SLC75A1: variants seen among roughly 807,000 people sequenced by gnomAD.
SLC75A1 encodes major facilitator superfamily domain containing 10.
the SLC75A1 span, chr4:2,932,888 G>T: frequency 8.1e-7 from 1 of 1,239,370 alleles, no homozygotes; most frequent in Non-Finnish European, 1.1e-6. Context: ...GGCCACTTGC[G>T]TTCTCAGTGC....
At chr4:2,934,469 C>T in the SLC75A1 span, 1 of 140,306 alleles carries the variant, frequency 7.1e-6, no homozygotes, top group East Asian at 2.2e-4. Flanking sequence ...CGGTCCCGCC[C>T]CCACCCCGCG....
At chr4:2,933,307 G>A in the SLC75A1 span, 7 of 1,216,044 alleles carry the variant, frequency 5.8e-6, no homozygotes, top group Non-Finnish European at 8.2e-6. Context: ...TGAGGGTCCA[G>A]TCATGCTGGG....
the SLC75A1 span, chr4:2,930,596 C>T: frequency 1.7e-6 from 1 of 573,550 alleles, no homozygotes; most frequent in African/African-American, 1.9e-5. Context: ...ATTTCATCAT[C>T]AGAAACCTGG....
At chr4:2,933,973 C>T in the SLC75A1 span, 2 of 1,522,594 alleles carry the variant, frequency 1.3e-6, no homozygotes, top group Non-Finnish European at 1.8e-6. Context: ...GTCGGGTTAG[C>T]GGGGAAGCCG....
the SLC75A1 span, chr4:2,933,952 G>A: frequency 1.3e-6 from 2 of 1,541,410 alleles, no homozygotes; most frequent in East Asian, 4.9e-5. Flanking sequence ...GGCCTGGGTG[G>A]GGTGCGGCGG....
At chr4:2,931,350 C>A in the SLC75A1 span, 1 of 1,544,278 alleles carries the variant, frequency 6.5e-7, no homozygotes, top group Non-Finnish European at 8.7e-7. Flanking sequence ...CCCATCGGAT[C>A]CCCTGCCAGG....
At chr4:2,932,928 A>T in the SLC75A1 span, 1 of 1,067,120 alleles carries the variant, frequency 9.4e-7, no homozygotes, top group Non-Finnish European at 1.3e-6. Context: ...AGCTCCTTGA[A>T]AGCCTGGCTC....
chr4:2,931,940 G>C, the SLC75A1 span: 1 of 1,606,268 alleles, frequency 6.2e-7, no homozygotes, highest in Non-Finnish European at 8.5e-7. Flanking sequence ...CTGAGCCCTG[G>C]GGAGAGGTGG....
chr4:2,931,935 C>T, the SLC75A1 span: 2 of 1,607,112 alleles, frequency 1.2e-6, no homozygotes, highest in Non-Finnish European at 8.5e-7. Context: ...GGCTGCTGAG[C>T]CCTGGGGAGA....
chr4:2,931,663 G>C, the SLC75A1 span: 1 of 1,611,966 alleles, frequency 6.2e-7, no homozygotes, highest in South Asian at 1.1e-5. Flanking sequence ...CCTGCTGTAG[G>C]CTGGGAGCGG....
At chr4:2,932,316 C>G in the SLC75A1 span, 1 of 1,597,890 alleles carries the variant, frequency 6.3e-7, no homozygotes, top group East Asian at 2.3e-5. Flanking sequence ...AAGCCTCCAG[C>G]CCCTAGGCCT....
At chr4:2,932,004 G>C in the SLC75A1 span, 2 of 1,605,878 alleles carry the variant, frequency 1.2e-6, no homozygotes, top group Non-Finnish European at 1.7e-6. Context: ...GGGAAGCCCA[G>C]GGGAGAGCAG....
the SLC75A1 span, chr4:2,933,586 G>A: frequency 6.2e-7 from 1 of 1,613,818 alleles, no homozygotes; most frequent in South Asian, 1.1e-5. Context: ...GGACACTGTT[G>A]TACCTCTTCT....
chr4:2,932,952 A>C, the SLC75A1 span: 1 of 1,029,396 alleles, frequency 9.7e-7, no homozygotes, highest in Non-Finnish European at 1.4e-6. Flanking sequence ...AACAGGAGCC[A>C]CTGGTCCCCC....
At chr4:2,932,220 TC>T in the SLC75A1 span, 6 of 1,553,428 alleles carry the variant, frequency 3.9e-6, no homozygotes, top group Admixed American at 1.2e-4. Context: ...GACTGTGGCC[TC>T]AAGGGTCCCA....
the SLC75A1 span, chr4:2,933,520 AACAT>A: frequency 3.1e-5 from 49 of 1,596,916 alleles, no homozygotes; most frequent in African/African-American, 1.7e-4. Flanking sequence ...ACGTCCACCA[AACAT>A]AGGACCGTAG....
chr4:2,933,508 C>G, the SLC75A1 span: 1 of 1,571,422 alleles, frequency 6.4e-7, no homozygotes, highest in Non-Finnish European at 8.8e-7. Flanking sequence ...CTGGGCTGGA[C>G]CACGTCCACC....
At chr4:2,932,927 A>G in the SLC75A1 span, 1 of 1,073,426 alleles carries the variant, frequency 9.3e-7, no homozygotes, top group Middle Eastern at 3.2e-4. Context: ...CAGCTCCTTG[A>G]AAGCCTGGCT....
the SLC75A1 span, chr4:2,933,011 G>T: frequency 1.6e-6 from 2 of 1,263,476 alleles, no homozygotes; most frequent in Non-Finnish European, 2.2e-6. Context: ...GCCATGAGGG[G>T]CCCACAGCCA....
Sources: gnomAD v4.1 joint callset for allele counts on GRCh38, gnomAD v4.1.1 for gene constraint, MANE v1.5 for transcripts, NCBI Gene and HGNC (gene_info 2026-07-23, HGNC 2026-07-21) for gene names.